DSC2: variants seen among roughly 807,000 people sequenced by gnomAD.
The protein encoded by DSC2 is desmocollin-2.
In DSC2, 51 loss-of-function variants were observed where a neutral mutation model predicts 87.6. That is an observed-to-expected ratio of 0.58 (90% CI 0.46 to 0.74). DSC2 has a LOEUF of 0.74. Ranked by LOEUF, DSC2 falls within the 30% of genes least tolerant of loss-of-function variation. The probability of loss-of-function intolerance (pLI) is 0.00; values close to 1 mark genes in which losing one functional copy is unlikely to be tolerated. For missense variants in DSC2, 1,066 were observed against 1,089.5 expected, an observed-to-expected ratio of 0.98 and a Z score of 0.30; for synonymous variants, 383 against 393.2, an observed-to-expected ratio of 0.97 and a Z score of 0.31.
chr18:31,098,844 T>G (rs1266000546), intron 1 of DSC2, among the ~76,000 whole-genome samples: 1 of 152,192 alleles, frequency 6.6e-6, no homozygotes, highest in Non-Finnish European at 1.5e-5. Context: ...ACATTCAAAT[T>G]TATTCATTGT....
Position 31,060,949 on chromosome 18 carries a change from T to C in DSC2, c.*7066A>G. On this transcript the variant is annotated 3_prime_UTR_variant, in exon 16 of 16. Coordinates refer to ENST00000280904, the MANE Select transcript of DSC2 (RefSeq NM_024422.6). ...TTTATATGAAAAGGCAAATTTTAAA[T>C]ACTTAAGTTTCATAAACCACCAAAT... 1 of 152,222 alleles carries C rather than the reference T, an allele frequency of 6.6e-6. No homozygotes were observed. The allele number at this position is 152,222 out of a possible 1,614,324, so 9.4% of individuals were successfully genotyped here.
At chr18:31,088,948 G>A (rs1156922402) in intron 5 of DSC2, among the ~76,000 whole-genome samples, 8 of 152,082 alleles carry the variant, frequency 5.3e-5, no homozygotes, top group African/African-American at 1.9e-4. Context: ...CAGATCACCT[G>A]AGGTCAAGAG....
chr18:31,096,838 A>ATAAT (rs1987775317), intron 1 of DSC2, among the ~76,000 whole-genome samples: 1 of 152,158 alleles, frequency 6.6e-6, no homozygotes, highest in African/African-American at 2.4e-5. Flanking sequence ...TATTTGCAAG[A>ATAAT]GAAGGATATT....
rs532298432 is a variant in DSC2 at position 31,068,449 on chromosome 18, G to A, written c.2509-237C>T. On this transcript the variant is annotated intron_variant, in intron 15 of 15. Transcript: ENST00000280904. ...CGCATGTGGCAGCAAGTATACAGGT[G>A]TTCATTTTACATAGTCACTACTTTC... is the stretch of plus-strand genomic sequence containing the variant. The A allele has an allele frequency of 5.3e-5, 63 of 1,197,888 alleles. No individual in the cohort carries two copies. In the South Asian group the frequency reaches 5.7e-4, roughly 11 times the overall value. The allele number at this position is 1,197,888 out of a possible 1,614,324, so 74.2% of individuals were successfully genotyped here.
intron 7 of DSC2, among the ~76,000 whole-genome samples, chr18:31,085,593 A>T (rs1417143883): frequency 6.6e-6 from 1 of 151,960 alleles, no homozygotes; most frequent in Non-Finnish European, 1.5e-5. Flanking sequence ...CACTGTTAAC[A>T]GTATTCAACA....
intron 5 of DSC2, 22 bp from the exon 6 acceptor site, chr18:31,087,835 G>A (rs376022774): frequency 6.8e-6 from 11 of 1,612,532 alleles, no homozygotes; most frequent in Non-Finnish European, 8.5e-6. Context: ...GTAAAATAAG[G>A]AGAAAAGTGA....
intron 12 of DSC2, among the ~76,000 whole-genome samples, chr18:31,073,205 T>C (rs886243719): frequency 6.6e-6 from 1 of 152,156 alleles, no homozygotes; most frequent in Non-Finnish European, 1.5e-5. Context: ...GCCAAAGTTT[T>C]ATTTTGCTAA....
rs139716649 is a variant in DSC2, at chr18:31,059,271, G to T, written c.*8744C>A. 5.5e-4 allele frequency: 84 copies of T among 152,288 alleles called. No individual in the cohort carries two copies. Among genetic ancestry groups the T allele is most frequent in the African/African-American group, 1.9e-3 (80 of 41,566 alleles). The allele number at this position is 152,288 out of a possible 1,614,324, so 9.4% of individuals were successfully genotyped here. A position where few individuals can be genotyped will look rare whatever the true frequency, so the allele number is the denominator to read the frequency against. ...AACTTGCATTCATTATGCAAACTTT[G>T]CTTGAAATATTTCATTTGACAATTC... On this transcript the variant is annotated 3_prime_UTR_variant, in exon 16 of 16. Transcript: ENST00000280904.
chr18:31,091,159 A>G lies in DSC2; in HGVS notation c.355-12T>C, dbSNP rs1987585083. The G allele has an allele frequency of 6.2e-7, 1 of 1,613,642 alleles. No individual in the cohort carries two copies. Among genetic ancestry groups the G allele is most frequent in the African/African-American group, 1.3e-5 (1 of 75,008 alleles). On this transcript the variant is annotated splice_polypyrimidine_tract_variant and intron_variant, in intron 3 of 15. Transcript: ENST00000280904. ...CTTTTCTTTAGGACCTCAATTCATA[A>G]GACAGGAAAAAATAATAAAGTCAAT...
intron 1 of DSC2, among the ~76,000 whole-genome samples, chr18:31,100,332 G>A (rs960982778): frequency 2.6e-5 from 4 of 152,192 alleles, no homozygotes; most frequent in African/African-American, 9.6e-5. Flanking sequence ...TCTCTCTGCA[G>A]GTATATGCAG....
chr18:31,079,652 T>C (rs1476710632), intron 11 of DSC2, among the ~76,000 whole-genome samples, 195 bp downstream of exon 11: 82 of 152,292 alleles, frequency 5.4e-4, no homozygotes, highest in African/African-American at 1.8e-3. Flanking sequence ...TATTTTATAA[T>C]TACATCTAAA....
intron 1 of DSC2, among the ~76,000 whole-genome samples, chr18:31,096,778 A>G (rs1323963374): frequency 6.6e-6 from 1 of 152,168 alleles, no homozygotes; most frequent in Non-Finnish European, 1.5e-5. Context: ...CTCAGAAACA[A>G]GACAGGCTCT....
In DSC2 at chr18:31,092,296, G is replaced by A. The variant is rs952701114; in HGVS notation, c.159C>T (p.Asn53=). ...LDAEKLVGRV[N]LKECFTAANL... is the part of the protein sequence containing the mutation. The stretch of plus-strand genomic sequence containing the variant: ...TTGCAGCTGTAAAGCACTCTTTCAG[G>A]TTAACTGTAGAAAATATGCACAGCA... The change falls in exon 3 of 16, where the codon AAC becomes AAT. Residue 53 remains asparagine (N), a synonymous_variant. Coordinates refer to ENST00000280904, the MANE Select transcript of DSC2 (RefSeq NM_024422.6). 2 of 1,612,856 alleles carry A rather than the reference G, an allele frequency of 1.2e-6. No individual in the cohort carries two copies. The highest frequency in any genetic ancestry group is 1.7e-6 in the Non-Finnish European group (2 of 1,179,090).
chr18:31,091,232 C>A, intron 3 of DSC2, 85 bp from the exon 4 acceptor site: 3 of 1,550,476 alleles, frequency 1.9e-6, no homozygotes, highest in Non-Finnish European at 8.8e-7. Context: ...TTTCTCCTCT[C>A]AGGAGGATTA....
At position 31,067,615 on chromosome 18, in the gene DSC2, C is replaced by G. The variant is rs903232792; in HGVS notation, c.*400G>C. 1.4e-5 allele frequency: 3 copies of G among 215,948 alleles called. No individual in the cohort carries two copies. Among genetic ancestry groups the G allele is most frequent in the Non-Finnish European group, 2.8e-5 (3 of 107,618 alleles). The allele number at this position is 215,948 out of a possible 1,614,324, so 13.4% of individuals were successfully genotyped here. A position where few individuals can be genotyped will look rare whatever the true frequency, so the allele number is the denominator to read the frequency against. ...ACAGTTTCCAAGCACCACATGAACA[C>G]TTAATTAACTGGAGATAATGTTAAA... On this transcript the variant is annotated 3_prime_UTR_variant, in exon 16 of 16. Transcript: ENST00000280904.
chr18:31,068,093 T>G lies in DSC2; in HGVS notation c.2628A>C (p.Gln876His). The stretch of plus-strand genomic sequence containing the variant: ...CCAAAAATTCAAGCCCATCTTCTTC[T>G]TGTCGTTCACTGCAACAACCTACAG... ...AGSVGCCSERQEEDGLEFLDN... is the reference protein window; with the variant it reads ...AGSVGCCSERHEEDGLEFLDN... The change falls in exon 16 of 16, where the codon CAA (glutamine) becomes CAC (histidine). Residue 876 changes from glutamine to histidine, a missense_variant. Transcript: ENST00000280904. The G allele has an allele frequency of 6.2e-7, 1 of 1,614,092 alleles. No homozygotes were observed. Among genetic ancestry groups the G allele is most frequent in the Non-Finnish European group, 8.5e-7 (1 of 1,180,002 alleles).
In DSC2 at chr18:31,067,167, AAAAAAGGAAT is replaced by A. The variant is rs952750433; in HGVS notation, c.*838_*847del. ...GAATATATACACTTACATAAAACAA[AAAAAAGGAAT>A]AATTCACTTTATGAGAGAAGAAAAG... On this transcript the variant is annotated 3_prime_UTR_variant, in exon 16 of 16. Coordinates refer to ENST00000280904, the MANE Select transcript of DSC2 (RefSeq NM_024422.6). 1.4e-4 allele frequency: 22 copies of A among 152,012 alleles called. No individual in the cohort carries two copies. The highest frequency in any genetic ancestry group is 9.2e-4 in the Admixed American group (14 of 15,264). 9.4% of individuals were successfully genotyped at this position (152,012 alleles called of 1,614,324 possible).
chr18:31,075,183 G>A (rs917315002), intron 11 of DSC2, among the ~76,000 whole-genome samples: 1 of 152,164 alleles, frequency 6.6e-6, no homozygotes, highest in Non-Finnish European at 1.5e-5. Context: ...GAGGAAGGAA[G>A]AGAGTATGAA....
At chr18:31,091,793 CTTG>C (rs965192886) in intron 3 of DSC2, among the ~76,000 whole-genome samples, 15 of 152,186 alleles carry the variant, frequency 9.9e-5, no homozygotes, top group East Asian at 5.8e-4. Context: ...AGTTTCAAAA[CTTG>C]TTGTTAGAAA....
Sources: gnomAD v4.1 joint callset for allele counts (sites outside exome capture counted in the v4.1 genomes callset) on GRCh38, gnomAD v4.1.1 for gene constraint, MANE v1.5 for transcripts, NCBI Gene and HGNC (gene_info 2026-07-23, HGNC 2026-07-21) for gene names.